The following ST6GAL1 variants were observed in gnomAD, a reference collection of about 807,000 sequenced individuals.
ST6GAL1 encodes the protein beta-galactoside alpha-2,6-sialyltransferase 1.
In ST6GAL1, 20 loss-of-function variants were observed where a neutral mutation model predicts 38.0. The observed-to-expected ratio is 0.53, with a 90% CI of 0.37 to 0.77. The LOEUF (loss-of-function observed/expected upper bound fraction) is 0.77, where lower values mean the gene tolerates loss of function less well. Among genes scored for constraint, ST6GAL1 ranks in the 30% least tolerant of loss-of-function variants. The pLI is 0.00. For missense variants in ST6GAL1, 432 were observed against 496.4 expected (o/e 0.87, Z 1.23); for synonymous variants, 196 against 188.2 (o/e 1.04, Z -0.34).
chr3:187,060,674 C>T (rs779954687), intron 5 of ST6GAL1, among the ~76,000 whole-genome samples: 2 of 152,148 alleles, frequency 1.3e-5, no homozygotes, highest in Non-Finnish European at 2.9e-5. Flanking sequence ...GATTTGCAGT[C>T]AACAGGTTTT....
intron 5 of ST6GAL1, chr3:187,072,307 C>T (rs960765194): frequency 6.3e-6 from 1 of 159,352 alleles, no homozygotes; most frequent in Non-Finnish European, 1.4e-5. Flanking sequence ...TCATCTGGTG[C>T]TCAACCACAA....
At position 186,995,263 on chromosome 3, in the gene ST6GAL1, C is replaced by T. The variant is rs187414360; in HGVS notation, c.-183+31337C>T. Reference sequence around the variant, plus strand: ...GTGGCTCACGCCTGTAATCCCAGCACTTTGGGAGGCCTAGGAAGGCGGATC... The same window carrying T: ...GTGGCTCACGCCTGTAATCCCAGCATTTTGGGAGGCCTAGGAAGGCGGATC... On this transcript the variant is annotated intron_variant, in intron 2 of 7. Transcript: ENST00000169298. Among the ~76,000 whole-genome samples the T allele has an allele frequency of 3.3e-5, 5 of 151,904 alleles. No individual in the cohort carries two copies. The East Asian group carries it at 9.8e-4, about 30-fold the overall frequency.
chr3:186,949,180 G>C (rs905453245), intron 1 of ST6GAL1, among the ~76,000 whole-genome samples: 5 of 152,242 alleles, frequency 3.3e-5, no homozygotes, highest in African/African-American at 1.2e-4. Flanking sequence ...CTGAGCCCTG[G>C]AGGAGAGTCA....
At chr3:186,999,536 C>T (rs1238961077) in intron 2 of ST6GAL1, among the ~76,000 whole-genome samples, 2 of 152,078 alleles carry the variant, frequency 1.3e-5, no homozygotes, top group South Asian at 2.1e-4. Context: ...CTCAGCCTCC[C>T]GAGTAGCTGG....
chr3:187,022,916 A>G (rs1328028167), intron 2 of ST6GAL1, among the ~76,000 whole-genome samples: 1 of 152,128 alleles, frequency 6.6e-6, no homozygotes, highest in African/African-American at 2.4e-5. Flanking sequence ...TTTGCCTTTT[A>G]TGGCCTTAGG....
chr3:186,977,606 CGGAAGGCAACTT>C (rs2108535552), intron 2 of ST6GAL1, among the ~76,000 whole-genome samples: 1 of 152,192 alleles, frequency 6.6e-6, no homozygotes, highest in African/African-American at 2.4e-5. Context: ...CCAAGGAGGG[CGGAAGGCAACTT>C]GGAAGGAACT....
chr3:186,985,295 T>G (rs148855458), intron 2 of ST6GAL1, among the ~76,000 whole-genome samples: 12 of 152,292 alleles, frequency 7.9e-5, no homozygotes, highest in Middle Eastern at 3.4e-3. Flanking sequence ...TTTGTTATAT[T>G]TACGGCTCTT....
chr3:186,985,757 AGAGT>A (rs1715895552), intron 2 of ST6GAL1, among the ~76,000 whole-genome samples: 1 of 148,644 alleles, frequency 6.7e-6, no homozygotes, highest in South Asian at 2.2e-4. Context: ...CCTGGGTGGC[AGAGT>A]GAGACCCTGT....
chr3:187,049,450 A>C (rs1385964230), intron 4 of ST6GAL1, among the ~76,000 whole-genome samples: 56 of 152,178 alleles, frequency 3.7e-4, no homozygotes, highest in Non-Finnish European at 1.3e-4. Context: ...ATCCAAGGGA[A>C]GGGGCAGAAC....
At chr3:187,017,563 C>T (rs1012678592) in intron 2 of ST6GAL1, among the ~76,000 whole-genome samples, 2 of 152,118 alleles carry the variant, frequency 1.3e-5, no homozygotes, top group African/African-American at 4.8e-5. Context: ...CTCCATGTTC[C>T]CTTCCCCTTT....
intron 2 of ST6GAL1, among the ~76,000 whole-genome samples, chr3:186,996,307 T>A (rs1383357738): frequency 1.3e-5 from 2 of 152,278 alleles, no homozygotes; most frequent in South Asian, 2.1e-4. Context: ...CTAGAAATAA[T>A]CCGGATCTTA....
chr3:186,959,319 CCTGGGAGGCAGCT>C (rs1202529471), intron 1 of ST6GAL1, among the ~76,000 whole-genome samples: 11 of 152,248 alleles, frequency 7.2e-5, no homozygotes, highest in Admixed American at 5.2e-4. Flanking sequence ...AAGAAAAGCC[CCTGGGAGGCAGCT>C]CTGGGAGGCA....
At chr3:186,972,199 C>G (rs1292819953) in intron 2 of ST6GAL1, among the ~76,000 whole-genome samples, 1 of 151,962 alleles carries the variant, frequency 6.6e-6, no homozygotes, top group East Asian at 1.9e-4. Flanking sequence ...GTAGGACACC[C>G]AGGTCTGTCC....
In ST6GAL1 at chr3:187,062,198, A is replaced by G. The variant is rs182877548; in HGVS notation, c.706-10651A>G. ...CCTCACCCCCATTAGGGTGGCTTCTATGATCAGAAATCGGAATCCGTGGGC... is the reference window on the plus strand; with the variant it reads ...CCTCACCCCCATTAGGGTGGCTTCTGTGATCAGAAATCGGAATCCGTGGGC... On this transcript the variant is annotated intron_variant, in intron 5 of 7. Transcript: ENST00000169298. 2.0e-4 allele frequency among the ~76,000 whole-genome samples: 30 copies of G among 152,334 alleles called. No individual in the cohort carries two copies. The East Asian group carries it at 5.0e-3, about 25-fold the overall frequency.
chr3:187,076,813 T>C lies in ST6GAL1; in HGVS notation c.*1010T>C, dbSNP rs763816902. 9 of 398,890 alleles carry C rather than the reference T, an allele frequency of 2.3e-5. No homozygotes were observed. Among genetic ancestry groups the C allele is most frequent in the Non-Finnish European group, 2.7e-5 (6 of 226,058 alleles). 24.7% of individuals were successfully genotyped at this position (398,890 alleles called of 1,614,324 possible). A position where few individuals can be genotyped will look rare whatever the true frequency, so the allele number is the denominator to read the frequency against. ...GGAAACCTCCTACCCATGTCTGAGG[T>C]AGCAAGTGCAGCCTCACGACAGATA... On this transcript the variant is annotated 3_prime_UTR_variant, in exon 8 of 8. Transcript: ENST00000169298.
At chr3:187,057,215 C>T (rs1480849367) in intron 5 of ST6GAL1, among the ~76,000 whole-genome samples, 1 of 152,030 alleles carries the variant, frequency 6.6e-6, no homozygotes, top group African/African-American at 2.4e-5. Flanking sequence ...AATCTTTTTT[C>T]AAGGTATTTA....
intron 2 of ST6GAL1, among the ~76,000 whole-genome samples, chr3:186,970,237 C>T (rs1415879156): frequency 7.3e-6 from 1 of 136,612 alleles, no homozygotes; most frequent in Non-Finnish European, 1.5e-5. Context: ...TTTTTTAAGA[C>T]AGAGTTGCAC....
rs147353364 is a variant in ST6GAL1 at position 187,066,200 on chromosome 3, T to G, written c.706-6649T>G. ...TTAATATCATAATTGGAGCTAAAAT[T>G]TAATCATGATGGCAATCATGAGTTC... On this transcript the variant is annotated intron_variant, in intron 5 of 7. Coordinates refer to ENST00000169298, the MANE Select transcript of ST6GAL1 (RefSeq NM_173216.2). Among the ~76,000 whole-genome samples, 689 of 152,260 alleles carry G rather than the reference T, an allele frequency of 4.5e-3. 7 individuals are homozygous for G. Among genetic ancestry groups the G allele is most frequent in the African/African-American group, 0.016 (654 of 41,556 alleles).
At chr3:186,976,370 T>C (rs76740908) in intron 2 of ST6GAL1, among the ~76,000 whole-genome samples, 1 of 152,244 alleles carries the variant, frequency 6.6e-6, no homozygotes, top group African/African-American at 2.4e-5. Flanking sequence ...GTCCATTTAC[T>C]GAGTGCCTAC....
Sources: allele counts gnomAD v4.1 joint callset (sites outside exome capture counted in the v4.1 genomes callset), GRCh38; gene constraint gnomAD v4.1.1; transcripts MANE v1.5; gene names NCBI Gene and HGNC (gene_info 2026-07-23, HGNC 2026-07-21).